Variants in CTNND2 observed in about 807,000 individuals in gnomAD.
CTNND2 encodes catenin delta 2.
CTNND2 carries 22 observed loss-of-function variants against 144.4 expected under a neutral mutation model. The ratio of observed to expected loss-of-function variants is 0.15; its 90% confidence interval spans 0.11 to 0.22. The LOEUF is 0.22. Among genes scored for constraint, CTNND2 ranks in the 10% least tolerant of loss-of-function variants. The pLI is 1.00. For synonymous variants in CTNND2, 751 were observed against 695.6 expected (o/e 1.08, Z -1.25); for missense variants, 1,353 against 1,618.8 (o/e 0.84, Z 2.82).
chr5:11,840,266 C>T (rs565648735), intron 1 of CTNND2, among the ~76,000 whole-genome samples: 16 of 152,220 alleles, frequency 1.1e-4, no homozygotes, highest in South Asian at 4.1e-4. Flanking sequence ...AACACAAAAT[C>T]GCTCATCAAA....
chr5:11,083,189 A>G (rs1375126799), intron 15 of CTNND2, among the ~76,000 whole-genome samples: 1 of 152,214 alleles, frequency 6.6e-6, no homozygotes, highest in East Asian at 1.9e-4. Flanking sequence ...GGCCAGTGGC[A>G]TTAAAGAGAA....
At chr5:11,274,593 T>A (rs55726227) in intron 9 of CTNND2, among the ~76,000 whole-genome samples, 35,925 of 150,498 alleles carry the variant, frequency 0.24, 4,382 homozygotes, top group Admixed American at 0.28. Context: ...TTTTTTTTTT[T>A]AAAAAGGCAA....
chr5:11,445,252 TCTC>T (rs1203894316), intron 3 of CTNND2, among the ~76,000 whole-genome samples: 1 of 152,082 alleles, frequency 6.6e-6, no homozygotes, highest in African/African-American at 2.4e-5. Context: ...TACCTGGTGT[TCTC>T]CTCTGTGTGT....
chr5:11,029,317 C>T (rs1031539116), intron 16 of CTNND2, among the ~76,000 whole-genome samples: 1 of 152,042 alleles, frequency 6.6e-6, no homozygotes, highest in Non-Finnish European at 1.5e-5. Context: ...TTATTTCTAG[C>T]GTTTTTCTGT....
intron 12 of CTNND2, among the ~76,000 whole-genome samples, chr5:11,152,905 G>A (rs1467005532): frequency 6.6e-6 from 1 of 152,136 alleles, no homozygotes; most frequent in Non-Finnish European, 1.5e-5. Flanking sequence ...TGGGGTGAGT[G>A]GTGTGTCTCA....
chr5:11,763,383 A>C lies in CTNND2; in HGVS notation c.38-31111T>G, dbSNP rs144121084. On this transcript the variant is annotated intron_variant, in intron 1 of 21. Coordinates refer to ENST00000304623, the MANE Select transcript of CTNND2 (RefSeq NM_001332.4). ...ATTGTGCTTTCTGCCCAACTACCCA[A>C]GCCCAAGTAACCCTATGACAGTAAG... 9.9e-5 allele frequency among the ~76,000 whole-genome samples: 15 copies of C among 152,274 alleles called. No individual in the cohort carries two copies. In the East Asian group the frequency reaches 2.5e-3, roughly 26 times the overall value.
chr5:11,194,547 G>C (rs1034128418), intron 11 of CTNND2, among the ~76,000 whole-genome samples: 1 of 152,042 alleles, frequency 6.6e-6, no homozygotes, highest in Non-Finnish European at 1.5e-5. Flanking sequence ...CCACCCATTC[G>C]CCCTGAAGTG....
chr5:11,835,626 C>A (rs1415846099), intron 1 of CTNND2, among the ~76,000 whole-genome samples: 2 of 152,088 alleles, frequency 1.3e-5, no homozygotes, highest in Non-Finnish European at 2.9e-5. Context: ...CCCTTACTAT[C>A]GTTTTAATAG....
intron 11 of CTNND2, among the ~76,000 whole-genome samples, chr5:11,168,112 TTGAC>T (rs1224860198): frequency 6.6e-6 from 1 of 152,182 alleles, no homozygotes; most frequent in African/African-American, 2.4e-5. Context: ...AAGACTATAA[TTGAC>T]TGATTTTTTT....
chr5:11,129,516 C>T (rs1360156733), intron 12 of CTNND2, among the ~76,000 whole-genome samples: 1 of 150,242 alleles, frequency 6.7e-6, no homozygotes, highest in Non-Finnish European at 1.5e-5. Flanking sequence ...GAACTACGTG[C>T]TTCAATATAT....
chr5:11,537,602 C>T (rs1389759576), intron 3 of CTNND2, among the ~76,000 whole-genome samples: 2 of 152,050 alleles, frequency 1.3e-5, no homozygotes, highest in Non-Finnish European at 1.5e-5. Flanking sequence ...TTCTACCCTG[C>T]TTTTACATGG....
intron 16 of CTNND2, among the ~76,000 whole-genome samples, chr5:11,080,713 T>C (rs780688020): frequency 1.3e-5 from 2 of 152,216 alleles, no homozygotes; most frequent in African/African-American, 2.4e-5. Context: ...CTAAGTGAAA[T>C]GAGCCACTTA....
At position 11,777,650 on chromosome 5, in the gene CTNND2, A is replaced by G. The variant is rs151295758; in HGVS notation, c.38-45378T>C. 1.3e-3 allele frequency among the ~76,000 whole-genome samples: 193 copies of G among 152,302 alleles called. 1 individual carries two copies. In the Middle Eastern group the frequency reaches 0.027, roughly 21 times the overall value. ...AATAAATATTGGGGACTGTGCCTAA[A>G]GCAGGGGAAATGCATGCTTGCTAGG... On this transcript the variant is annotated intron_variant, in intron 1 of 21. Transcript: ENST00000304623.
At chr5:11,835,493 T>TTA (rs1794128722) in intron 1 of CTNND2, among the ~76,000 whole-genome samples, 1 of 152,242 alleles carries the variant, frequency 6.6e-6, no homozygotes, top group African/African-American at 2.4e-5. Context: ...TTCAATTTCC[T>TTA]TAATAGCTAT....
At chr5:11,588,016 A>C (rs1561594642) in intron 2 of CTNND2, among the ~76,000 whole-genome samples, 1 of 152,270 alleles carries the variant, frequency 6.6e-6, no homozygotes, top group East Asian at 1.9e-4. Context: ...GAATAAAAGC[A>C]ATCTTGAAAC....
intron 15 of CTNND2, among the ~76,000 whole-genome samples, chr5:11,097,971 G>GT (rs1751518121): frequency 6.6e-6 from 1 of 152,174 alleles, no homozygotes. Flanking sequence ...CAAAATGAGT[G>GT]TTATGAAAAT....
chr5:11,660,712 C>T (rs752591758), intron 2 of CTNND2, among the ~76,000 whole-genome samples: 34 of 152,088 alleles, frequency 2.2e-4, no homozygotes, highest in African/African-American at 5.1e-4. Flanking sequence ...AAAAAAGTCA[C>T]GTATTTAAAA....
At chr5:11,873,573 ATGT>A (rs1445592322) in intron 1 of CTNND2, among the ~76,000 whole-genome samples, 7 of 152,240 alleles carry the variant, frequency 4.6e-5, no homozygotes, top group Non-Finnish European at 8.8e-5. Context: ...CAATAAAAAC[ATGT>A]TGTGTATAAG....
chr5:11,008,723 C>G (rs1401171063), intron 18 of CTNND2, among the ~76,000 whole-genome samples: 1 of 152,162 alleles, frequency 6.6e-6, no homozygotes, highest in African/African-American at 2.4e-5. Context: ...TAGCATATGA[C>G]TCAACTCCAG....
Sources: gnomAD v4.1 joint callset for allele counts (sites outside exome capture counted in the v4.1 genomes callset) on GRCh38, gnomAD v4.1.1 for gene constraint, MANE v1.5 for transcripts, NCBI Gene and HGNC (gene_info 2026-07-23, HGNC 2026-07-21) for gene names.